The following S100A8 variants were observed in gnomAD, a reference collection of about 807,000 sequenced individuals.
S100A8 encodes protein S100-A8.
In S100A8, 1 loss-of-function variant was observed where a neutral mutation model predicts 4.2. The observed-to-expected ratio is 0.24, with a 90% confidence interval of 0.08 to 1.12. The LOEUF (loss-of-function observed/expected upper bound fraction) is 1.12, where lower values mean the gene tolerates loss of function less well. Ranked by LOEUF, S100A8 falls within the 50% of genes most tolerant of loss-of-function variation. The pLI, the probability that S100A8 is intolerant of heterozygous loss-of-function variation, is 0.53. For missense variants in S100A8, 96 were observed against 111.8 expected (o/e 0.86, Z 0.64); for synonymous variants, 41 against 44.7 (o/e 0.92, Z 0.33).
chr1:153,419,594 A>G, the S100A8 span: 2 of 417,716 alleles, frequency 4.8e-6, no homozygotes, highest in Non-Finnish European at 8.6e-6. Flanking sequence ...CCACCTTGGC[A>G]GGTTCCAGGT....
At chr1:153,406,159 C>A in the S100A8 span, among the ~76,000 whole-genome samples, 2 of 152,164 alleles carry the variant, frequency 1.3e-5, no homozygotes, top group Non-Finnish European at 2.9e-5. Flanking sequence ...TTCTCCTCTT[C>A]CAAATTCCCA....
the S100A8 span, among the ~76,000 whole-genome samples, chr1:153,416,763 T>A: frequency 2.0e-5 from 3 of 152,198 alleles, no homozygotes; most frequent in African/African-American, 7.2e-5. Flanking sequence ...ACCAGACCTG[T>A]CCATTGCTCC....
the S100A8 span, among the ~76,000 whole-genome samples, chr1:153,401,961 T>A: frequency 1.3e-5 from 2 of 152,184 alleles, no homozygotes; most frequent in Non-Finnish European, 2.9e-5. Context: ...GATATCCCAG[T>A]CAACAGCCTC....
At chr1:153,407,362 G>A in the S100A8 span, among the ~76,000 whole-genome samples, 44 of 152,286 alleles carry the variant, frequency 2.9e-4, no homozygotes, top group African/African-American at 1.0e-3. Context: ...ACAGAGCCTC[G>A]CTCACTGCTA....
upstream of S100A8, among the ~76,000 whole-genome samples, chr1:153,392,565 C>T (rs1662126325): frequency 6.6e-6 from 1 of 152,150 alleles, no homozygotes; most frequent in African/African-American, 2.4e-5. Context: ...TTACAAGAGC[C>T]AAAAGGTGGA....
the S100A8 span, among the ~76,000 whole-genome samples, chr1:153,410,595 A>C: frequency 6.6e-6 from 1 of 152,220 alleles, no homozygotes; most frequent in Non-Finnish European, 1.5e-5. Flanking sequence ...ATTCCAATCA[A>C]TAGAAAAAGA....
At chr1:153,400,959 A>G in the S100A8 span, among the ~76,000 whole-genome samples, 1 of 152,218 alleles carries the variant, frequency 6.6e-6, no homozygotes, top group Non-Finnish European at 1.5e-5. Context: ...TGTTTAGAAG[A>G]AACTTCATTT....
the S100A8 span, chr1:153,420,788 G>A: frequency 6.6e-6 from 1 of 152,136 alleles, no homozygotes; most frequent in African/African-American, 2.4e-5. Flanking sequence ...TACAGTCCCT[G>A]GGCTTTCATT....
chr1:153,398,871 C>T, the S100A8 span, among the ~76,000 whole-genome samples: 1 of 152,216 alleles, frequency 6.6e-6, no homozygotes. Context: ...CTTGGAGCTT[C>T]GTTCAAACCC....
chr1:153,410,879 C>T, the S100A8 span, among the ~76,000 whole-genome samples: 7 of 152,068 alleles, frequency 4.6e-5, no homozygotes, highest in Admixed American at 3.3e-4. Context: ...AGATAAAATC[C>T]ACATGATTAT....
chr1:153,398,845 A>G, the S100A8 span, among the ~76,000 whole-genome samples: 21 of 152,308 alleles, frequency 1.4e-4, no homozygotes, highest in African/African-American at 5.1e-4. Flanking sequence ...TTTCCCCAAG[A>G]TCACACAATG....
upstream of S100A8, chr1:153,391,307 G>T (rs980143665): frequency 1.6e-6 from 1 of 606,418 alleles, no homozygotes; most frequent in Non-Finnish European, 2.1e-6. Flanking sequence ...AGCAGGTAGG[G>T]GGGCTCTTTT....
chr1:153,407,781 C>A, the S100A8 span, among the ~76,000 whole-genome samples: 1 of 152,194 alleles, frequency 6.6e-6, no homozygotes, highest in Non-Finnish European at 1.5e-5. Flanking sequence ...TCCAGAGGAA[C>A]AATCAGGAAC....
chr1:153,400,725 C>CA, the S100A8 span, among the ~76,000 whole-genome samples: 38 of 152,262 alleles, frequency 2.5e-4, 1 homozygote, highest in Admixed American at 2.2e-3. Context: ...GCTAGAGCTA[C>CA]AAAAAATTGT....
At chr1:153,400,135 C>T in the S100A8 span, among the ~76,000 whole-genome samples, 21 of 152,212 alleles carry the variant, frequency 1.4e-4, no homozygotes, top group Non-Finnish European at 2.6e-4. Flanking sequence ...ACCCCCACTA[C>T]CCATGGCCAG....
At chr1:153,398,232 A>G in the S100A8 span, among the ~76,000 whole-genome samples, 72 of 152,262 alleles carry the variant, frequency 4.7e-4, no homozygotes, top group African/African-American at 1.7e-3. Context: ...CCCAGTAATC[A>G]TGGGTCTACG....
At chr1:153,400,271 G>T in the S100A8 span, among the ~76,000 whole-genome samples, 1 of 152,168 alleles carries the variant, frequency 6.6e-6, no homozygotes, top group Non-Finnish European at 1.5e-5. Context: ...ATCACCGACT[G>T]CAATGTGGAA....
At chr1:153,394,923 T>A (rs1662180918), upstream of S100A8, among the ~76,000 whole-genome samples, 1 of 152,182 alleles carries the variant, frequency 6.6e-6, no homozygotes, top group South Asian at 2.1e-4. Flanking sequence ...CTCAGTAAGC[T>A]CAGGACACCG....
chr1:153,404,453 G>T, the S100A8 span, among the ~76,000 whole-genome samples: 17 of 152,174 alleles, frequency 1.1e-4, no homozygotes, highest in South Asian at 3.5e-3. Flanking sequence ...AGCATGACTG[G>T]AAGGGGATTG....
Sources: gnomAD v4.1 joint callset for allele counts (sites outside exome capture counted in the v4.1 genomes callset) on GRCh38, gnomAD v4.1.1 for gene constraint, MANE v1.5 for transcripts, NCBI Gene and HGNC (gene_info 2026-07-23, HGNC 2026-07-21) for gene names.